Variants in NUP205 observed in about 807,000 individuals in gnomAD.
The protein encoded by NUP205 is nucleoporin 205, also known as nuclear pore complex protein Nup205.
Under a neutral mutation model 253.8 loss-of-function variants are expected in NUP205, and 76 were observed. The ratio of observed to expected loss-of-function variants is 0.30; its 90% CI spans 0.25 to 0.36. The LOEUF (loss-of-function observed/expected upper bound fraction) is 0.36. Among genes scored for constraint, NUP205 ranks in the 10% least tolerant of loss-of-function variants. The pLI, the probability that NUP205 is intolerant of heterozygous loss-of-function variation, is 1.00. For synonymous variants in NUP205, 832 were observed against 850.1 expected (o/e 0.98, Z 0.37); for missense variants, 2,162 against 2,425.5 (o/e 0.89, Z 2.28).
chr7:135,595,198 CTGTT>C (rs766326498), intron 13 of NUP205, among the ~76,000 whole-genome samples: 2 of 151,572 alleles, frequency 1.3e-5, no homozygotes, highest in Admixed American at 1.3e-4. Context: ...GCAGGTCTAA[CTGTT>C]TGTCAAGTTT....
chr7:135,597,494 C>A lies in NUP205; in HGVS notation c.2064+76C>A, dbSNP rs1290869479. The A allele has an allele frequency of 6.0e-5, 51 of 856,376 alleles. No homozygotes were observed. The East Asian group carries it at 1.2e-3, about 20-fold the overall frequency. 53.0% of individuals were successfully genotyped at this position (856,376 alleles called of 1,614,324 possible). A position where few individuals can be genotyped will look rare whatever the true frequency, so the allele number is the denominator to read the frequency against. ...TAAGAAGTCTATGAATCATTCTTAC[C>A]CTTTTACGTTTCCATAATTATCAAA... On this transcript the variant is annotated intron_variant, in intron 14 of 42. Transcript: ENST00000285968.
intron 7 of NUP205, 28 bp from the exon 8 acceptor site, chr7:135,584,804 T>G: frequency 6.2e-7 from 1 of 1,605,512 alleles, no homozygotes; most frequent in Non-Finnish European, 8.5e-7. Context: ...TTTTCCTCCA[T>G]GTACTGTGTT....
intron 12 of NUP205, 28 bp from the exon 13 acceptor site, chr7:135,594,519 G>A: frequency 6.5e-7 from 1 of 1,543,446 alleles, no homozygotes; most frequent in African/African-American, 1.4e-5. Flanking sequence ...AAAATGGAAA[G>A]TCTCATTCTT....
At chr7:135,593,218 T>G in intron 12 of NUP205, 26 bp downstream of exon 12, 1 of 1,585,590 alleles carries the variant, frequency 6.3e-7, no homozygotes. Flanking sequence ...CCAGCATAAT[T>G]TTATTTTTAT....
intron 22 of NUP205, chr7:135,613,699 G>T (rs1311987640): frequency 6.6e-6 from 1 of 151,800 alleles, no homozygotes; most frequent in East Asian, 1.9e-4. Flanking sequence ...ACCATGCCTG[G>T]CTAATTTTTG....
chr7:135,634,093 T>C (rs987077259), intron 35 of NUP205, among the ~76,000 whole-genome samples: 9 of 152,196 alleles, frequency 5.9e-5, no homozygotes, highest in Non-Finnish European at 1.0e-4. Flanking sequence ...CAGATATATA[T>C]ATTTTTTAAT....
chr7:135,587,556 T>A lies in NUP205; in HGVS notation c.1219-19T>A. Reference sequence around the variant, plus strand: ...ACAATACATTTACATATTAAAACTATATCTAATAAATTTAATAGGTGAAAC... The same window carrying A: ...ACAATACATTTACATATTAAAACTAAATCTAATAAATTTAATAGGTGAAAC... On this transcript the variant is annotated intron_variant, in intron 8 of 42. Transcript: ENST00000285968. 1 of 1,458,574 alleles carries A rather than the reference T, an allele frequency of 6.9e-7. No homozygotes were observed. 90.4% of individuals were successfully genotyped at this position (1,458,574 alleles called of 1,614,324 possible). A position where few individuals can be genotyped will look rare whatever the true frequency, so the allele number is the denominator to read the frequency against.
chr7:135,638,082 A>G (rs765055161), intron 37 of NUP205, 23 bp downstream of exon 37: 3 of 1,604,144 alleles, frequency 1.9e-6, no homozygotes, highest in Non-Finnish European at 2.5e-6. Context: ...TGACTTCTCT[A>G]AGGTTTTTAT....
chr7:135,572,942 C>CTT (rs1186445399), intron 2 of NUP205, among the ~76,000 whole-genome samples: 3 of 137,506 alleles, frequency 2.2e-5, no homozygotes, highest in African/African-American at 8.0e-5. Context: ...TGCTTTTTAG[C>CTT]TTTTTTTTTT....
chr7:135,629,999 A>G (rs965154333), intron 34 of NUP205, among the ~76,000 whole-genome samples: 35 of 152,322 alleles, frequency 2.3e-4, no homozygotes, highest in Non-Finnish European at 3.7e-4. Context: ...TGGCCAAACA[A>G]TAAAGAAAAT....
chr7:135,570,721 T>C (rs1393428249), intron 1 of NUP205, among the ~76,000 whole-genome samples: 2 of 108,090 alleles, frequency 1.9e-5, no homozygotes, highest in African/African-American at 7.6e-5. Flanking sequence ...TATAATTAAT[T>C]ATATTTATAT....
chr7:135,594,812 T>C lies in NUP205; in HGVS notation c.2013+83T>C, dbSNP rs1793788484. 5.6e-6 allele frequency: 6 copies of C among 1,062,954 alleles called. No homozygotes were observed. The South Asian group carries it at 6.3e-5, about 11-fold the overall frequency. 65.8% of individuals were successfully genotyped at this position (1,062,954 alleles called of 1,614,324 possible). ...ATACCATAGAAGCAAGAACATGCAA[T>C]TGGAACTTATAGTATATCATGAACA... On this transcript the variant is annotated intron_variant, in intron 13 of 42. Transcript: ENST00000285968.
rs549476512 is a variant in NUP205, at chr7:135,616,116, C to T, written c.3460+51C>T. 7 of 1,527,202 alleles carry T rather than the reference C, an allele frequency of 4.6e-6. No homozygotes were observed. In the Admixed American group the frequency reaches 7.3e-5, roughly 16 times the overall value. The allele number at this position is 1,527,202 out of a possible 1,614,324, so 94.6% of individuals were successfully genotyped here. A position where few individuals can be genotyped will look rare whatever the true frequency, so the allele number is the denominator to read the frequency against. ...TGCTGGTGACTAGTTGTCGTGAAGA[C>T]AAGCACAAATCTGAAGCTTGTGCTT... On this transcript the variant is annotated intron_variant, in intron 24 of 42. Coordinates refer to ENST00000285968, the MANE Select transcript of NUP205 (RefSeq NM_015135.3).
At chr7:135,577,650 C>G in intron 5 of NUP205, 146 bp from the exon 6 acceptor site, 1 of 608,808 alleles carries the variant, frequency 1.6e-6, no homozygotes, top group Non-Finnish European at 2.9e-6. Flanking sequence ...AGGGTTTGTT[C>G]AGAATTCCAG....
chr7:135,647,880 A>AAT (rs1471473782), intron 42 of NUP205, among the ~76,000 whole-genome samples: 12 of 152,238 alleles, frequency 7.9e-5, no homozygotes, highest in African/African-American at 2.7e-4. Context: ...TGCATTCTAG[A>AAT]ATATATATGA....
intron 1 of NUP205, among the ~76,000 whole-genome samples, chr7:135,570,048 T>TAG (rs1427743388): frequency 4.3e-3 from 425 of 99,668 alleles, no homozygotes; most frequent in African/African-American, 5.8e-3. Context: ...TATATATATA[T>TAG]ATATAGAGAG....
intron 1 of NUP205, 184 bp downstream of exon 1, chr7:135,558,156 C>T: frequency 1.6e-6 from 1 of 640,972 alleles, no homozygotes; most frequent in South Asian, 1.7e-5. Flanking sequence ...TGCTGCGGCT[C>T]CAGCCCTCGA....
intron 40 of NUP205, 84 bp from the exon 41 acceptor site, chr7:135,645,384 C>A: frequency 7.2e-7 from 1 of 1,396,596 alleles, no homozygotes; most frequent in African/African-American, 1.4e-5. Context: ...TGAGTGCAGT[C>A]TGTCCTTTTT....
At chr7:135,570,854 T>TA (rs1330784294) in intron 1 of NUP205, among the ~76,000 whole-genome samples, 26 of 114,154 alleles carry the variant, frequency 2.3e-4, no homozygotes, top group African/African-American at 8.9e-4. Flanking sequence ...ATTACATATA[T>TA]TATATATAAA....
Sources: gnomAD v4.1 joint callset for allele counts (sites outside exome capture counted in the v4.1 genomes callset) on GRCh38, gnomAD v4.1.1 for gene constraint, MANE v1.5 for transcripts, NCBI Gene and HGNC (gene_info 2026-07-23, HGNC 2026-07-21) for gene names.